The following PTPRD variants were observed in gnomAD, a reference collection of about 807,000 sequenced individuals.
The protein encoded by PTPRD is protein tyrosine phosphatase receptor type D, also known as receptor-type tyrosine-protein phosphatase delta.
In PTPRD, 34 loss-of-function variants were observed where a neutral mutation model predicts 214.5. The ratio of observed to expected loss-of-function variants is 0.16; its 90% confidence interval spans 0.12 to 0.21. PTPRD has a LOEUF of 0.21. PTPRD is among the 10% of genes least tolerant of loss of function. The pLI, the probability that PTPRD is intolerant of heterozygous loss-of-function variation, is 1.00. For synonymous variants in PTPRD, 1,128 were observed against 845.7 expected, an observed-to-expected ratio of 1.33 and a Z score of -5.79; for missense variants, 2,545 against 2,398.7, an observed-to-expected ratio of 1.06 and a Z score of -1.27.
chr9:10,252,786 AT>A (rs1450597191), intron 3 of PTPRD, among the ~76,000 whole-genome samples: 1 of 151,772 alleles, frequency 6.6e-6, no homozygotes, highest in African/African-American at 2.4e-5. Context: ...GCCGAAGTGT[AT>A]TTTTTTTCTT....
intron 11 of PTPRD, among the ~76,000 whole-genome samples, chr9:8,850,413 G>C (rs1390150362): frequency 6.6e-6 from 1 of 152,172 alleles, no homozygotes; most frequent in Non-Finnish European, 1.5e-5. Flanking sequence ...AATGGAGACA[G>C]AGTTCCATGT....
intron 9 of PTPRD, among the ~76,000 whole-genome samples, chr9:9,275,819 C>CTGTG (rs879644613): frequency 8.1e-4 from 120 of 147,444 alleles, no homozygotes; most frequent in African/African-American, 2.8e-3. Flanking sequence ...AGCGAAACAG[C>CTGTG]TGTGTGTGTG....
intron 5 of PTPRD, among the ~76,000 whole-genome samples, chr9:9,803,956 T>C (rs893040638): frequency 9.2e-5 from 14 of 152,038 alleles, no homozygotes; most frequent in Admixed American, 6.6e-4. Flanking sequence ...TGGGTGCCTA[T>C]CTTAACTGAG....
chr9:9,567,721 T>G (rs1410136524), intron 8 of PTPRD, among the ~76,000 whole-genome samples: 1 of 151,940 alleles, frequency 6.6e-6, no homozygotes, highest in African/African-American at 2.4e-5. Context: ...TTTATCCCCC[T>G]CCATGCTTCT....
chr9:9,631,192 C>CATAAGTAA (rs1554738853), intron 7 of PTPRD, among the ~76,000 whole-genome samples: 15,466 of 139,500 alleles, frequency 0.11, 983 homozygotes, highest in Middle Eastern at 0.19. Context: ...GTATCTCATT[C>CATAAGTAA]ATAAATAAAT....
At chr9:9,924,510 C>A (rs982487533) in intron 5 of PTPRD, among the ~76,000 whole-genome samples, 4 of 151,862 alleles carry the variant, frequency 2.6e-5, no homozygotes, top group African/African-American at 9.7e-5. Context: ...CTACAAAAGC[C>A]CTAAAGTCAT....
chr9:9,068,514 T>C (rs565663665), intron 10 of PTPRD, among the ~76,000 whole-genome samples: 3 of 152,358 alleles, frequency 2.0e-5, no homozygotes, highest in Non-Finnish European at 2.9e-5. Flanking sequence ...TATCATCTAG[T>C]ATTTTAATAA....
intron 9 of PTPRD, among the ~76,000 whole-genome samples, chr9:9,268,241 T>A (rs1324285846): frequency 6.6e-6 from 1 of 150,740 alleles, no homozygotes; most frequent in Non-Finnish European, 1.5e-5. Context: ...AGAAAAGAAA[T>A]TAAGAAAACA....
Position 9,740,361 on chromosome 9 carries a change from A to ATTTTTTT in PTPRD, c.-325-5797_-325-5791dup, listed in dbSNP as rs35876773. On this transcript the variant is annotated intron_variant, in intron 6 of 45. Transcript: ENST00000381196. Reference sequence around the variant, plus strand: ...GTTCCATTTTATCTCTAAAACTACTATTTTTTTTTTTTTGGAGATGGAGTC... The same window carrying ATTTTTTT: ...GTTCCATTTTATCTCTAAAACTACTATTTTTTTTTTTTTTTTTTTTGGAGATGGAGTC... Among the ~76,000 whole-genome samples the ATTTTTTT allele has an allele frequency of 9.2e-4, 134 of 145,624 alleles. 1 individual carries two copies. Among genetic ancestry groups the ATTTTTTT allele is most frequent in the African/African-American group, 3.1e-3 (123 of 39,412 alleles).
chr9:10,533,759 A>C (rs965101666), intron 2 of PTPRD, among the ~76,000 whole-genome samples: 68 of 152,022 alleles, frequency 4.5e-4, no homozygotes, highest in African/African-American at 1.6e-3. Context: ...AGAATATAAT[A>C]ATAAATTAAA....
intron 3 of PTPRD, among the ~76,000 whole-genome samples, chr9:10,287,757 C>A (rs958594744): frequency 1.3e-5 from 2 of 152,042 alleles, no homozygotes; most frequent in Non-Finnish European, 2.9e-5. Flanking sequence ...CCTTTCCTTT[C>A]TTCTTTAATA....
intron 13 of PTPRD, among the ~76,000 whole-genome samples, chr9:8,635,601 T>C (rs2096405345): frequency 6.6e-6 from 1 of 152,134 alleles, no homozygotes; most frequent in Non-Finnish European, 1.5e-5. Flanking sequence ...CCCTGTGAGT[T>C]CCTATGAAAA....
chr9:10,606,755 T>G (rs1328447628), intron 2 of PTPRD, among the ~76,000 whole-genome samples: 1 of 151,878 alleles, frequency 6.6e-6, no homozygotes, highest in Admixed American at 6.6e-5. Flanking sequence ...GTGAACACAA[T>G]GCTTGCCTGG....
rs191617991 is a variant in PTPRD at position 9,966,007 on chromosome 9, G to C, written c.-471-27397C>G. On this transcript the variant is annotated intron_variant, in intron 4 of 45. Coordinates refer to ENST00000381196, the MANE Select transcript of PTPRD (RefSeq NM_002839.4). Reference sequence around the variant, plus strand: ...GCTAAAAGCAAGCACAAAAAGTCAGGTTTTTATATTACTTATTTGAGAGAG... The same window carrying C: ...GCTAAAAGCAAGCACAAAAAGTCAGCTTTTTATATTACTTATTTGAGAGAG... 1.1e-4 allele frequency among the ~76,000 whole-genome samples: 17 copies of C among 152,290 alleles called. No homozygotes were observed. The East Asian group carries it at 2.7e-3, about 24-fold the overall frequency.
chr9:9,809,488 T>C (rs2046466994), intron 5 of PTPRD, among the ~76,000 whole-genome samples: 2 of 152,042 alleles, frequency 1.3e-5, no homozygotes, highest in South Asian at 4.1e-4. Flanking sequence ...ATGGTCTCTA[T>C]CTCCTGACCT....
At chr9:10,173,999 T>C (rs2099229424) in intron 3 of PTPRD, among the ~76,000 whole-genome samples, 1 of 152,162 alleles carries the variant, frequency 6.6e-6, no homozygotes, top group Non-Finnish European at 1.5e-5. Context: ...CATATGTGTA[T>C]GCATATACAA....
chr9:9,922,093 G>A (rs892512559), intron 5 of PTPRD, among the ~76,000 whole-genome samples: 7 of 152,068 alleles, frequency 4.6e-5, no homozygotes, highest in African/African-American at 1.4e-4. Flanking sequence ...ACAGTGTGGA[G>A]CCCCCACAAG....
intron 2 of PTPRD, among the ~76,000 whole-genome samples, chr9:10,573,293 T>C (rs2068076089): frequency 6.6e-6 from 1 of 152,232 alleles, no homozygotes; most frequent in South Asian, 2.1e-4. Context: ...TGTTATTTAA[T>C]CCCAATAAAT....
intron 7 of PTPRD, among the ~76,000 whole-genome samples, chr9:9,641,396 C>A (rs1471139513): frequency 6.6e-6 from 1 of 152,050 alleles, no homozygotes; most frequent in Non-Finnish European, 1.5e-5. Flanking sequence ...TTCCACATCC[C>A]TTTCTTCAAA....
Sources: gnomAD v4.1 joint callset for allele counts (sites outside exome capture counted in the v4.1 genomes callset) on GRCh38, gnomAD v4.1.1 for gene constraint, MANE v1.5 for transcripts, NCBI Gene and HGNC (gene_info 2026-07-23, HGNC 2026-07-21) for gene names.